The following DIS3L2 variants were observed in gnomAD, a reference collection of about 807,000 sequenced individuals.
DIS3L2 encodes the protein DIS3-like exonuclease 2.
Under a neutral mutation model 97.5 loss-of-function variants are expected in DIS3L2, and 34 were observed. The observed-to-expected ratio is 0.35, with a 90% CI of 0.27 to 0.46. DIS3L2 has a LOEUF of 0.46. Ranked by LOEUF, DIS3L2 falls within the 20% of genes least tolerant of loss-of-function variation. The probability of loss-of-function intolerance (pLI) is 1.00; values close to 1 mark genes in which losing one functional copy is unlikely to be tolerated. For missense variants in DIS3L2, 1,038 were observed against 1,146.0 expected, an observed-to-expected ratio of 0.91 and a Z score of 1.36; for synonymous variants, 435 against 445.2, an observed-to-expected ratio of 0.98 and a Z score of 0.29.
intron 5 of DIS3L2, among the ~76,000 whole-genome samples, chr2:232,060,896 G>T (rs892541869): frequency 2.0e-5 from 3 of 152,044 alleles, no homozygotes; most frequent in Non-Finnish European, 4.4e-5. Context: ...TAATTTCAAG[G>T]TATTTAATTT....
intron 6 of DIS3L2, among the ~76,000 whole-genome samples, chr2:232,097,564 G>A (rs1330527591): frequency 1.3e-5 from 2 of 152,106 alleles, no homozygotes; most frequent in Admixed American, 1.3e-4. Flanking sequence ...TTCCACCAAT[G>A]TTCACTTAAG....
chr2:232,322,091 G>A (rs560924063), intron 14 of DIS3L2, among the ~76,000 whole-genome samples: 8 of 152,186 alleles, frequency 5.3e-5, no homozygotes, highest in African/African-American at 1.7e-4. Flanking sequence ...AGCTGACTAC[G>A]GGGGTGCCTG....
chr2:232,315,057 A>G (rs865987930), intron 14 of DIS3L2, among the ~76,000 whole-genome samples: 1 of 152,176 alleles, frequency 6.6e-6, no homozygotes. Context: ...TTTTAAGCAG[A>G]TAGTACTGCC....
intron 13 of DIS3L2, among the ~76,000 whole-genome samples, chr2:232,294,793 T>C (rs774914162): frequency 7.9e-5 from 12 of 152,164 alleles, no homozygotes; most frequent in Non-Finnish European, 1.5e-4. Context: ...TCCTGTAACA[T>C]AGAGGTAGGA....
intron 1 of DIS3L2, among the ~76,000 whole-genome samples, chr2:231,987,349 T>A (rs1257618229): frequency 5.3e-5 from 8 of 152,220 alleles, no homozygotes. Flanking sequence ...GAAATACATG[T>A]GTATGGGTTT....
At chr2:232,078,055 A>AT (rs946229806) in intron 5 of DIS3L2, among the ~76,000 whole-genome samples, 1 of 50,142 alleles carries the variant, frequency 2.0e-5, no homozygotes, top group East Asian at 4.6e-4. Context: ...TTTTTTTTTT[A>AT]TTTTTTGAGA....
At chr2:232,039,868 G>A (rs552711613) in intron 5 of DIS3L2, among the ~76,000 whole-genome samples, 2 of 152,274 alleles carry the variant, frequency 1.3e-5, no homozygotes, top group Admixed American at 6.5e-5. Context: ...GTCCCCAAAT[G>A]GTTAGGAAGC....
intron 6 of DIS3L2, among the ~76,000 whole-genome samples, chr2:232,120,948 T>C (rs1697883976): frequency 6.6e-6 from 1 of 152,076 alleles, no homozygotes. Flanking sequence ...CACACCTTCT[T>C]TACTGGTTCC....
intron 9 of DIS3L2, among the ~76,000 whole-genome samples, chr2:232,185,952 G>C (rs538796382): frequency 5.9e-5 from 9 of 151,822 alleles, no homozygotes; most frequent in African/African-American, 9.7e-5. Flanking sequence ...GAAAACGGTA[G>C]AGAAAATTGG....
chr2:232,240,296 C>T (rs1313671304), intron 11 of DIS3L2, among the ~76,000 whole-genome samples: 4 of 152,214 alleles, frequency 2.6e-5, no homozygotes, highest in African/African-American at 9.7e-5. Flanking sequence ...AGAAGTACAG[C>T]TTTGCCTACC....
intron 13 of DIS3L2, among the ~76,000 whole-genome samples, chr2:232,278,977 G>A (rs1047673449): frequency 1.3e-5 from 2 of 152,126 alleles, no homozygotes; most frequent in Admixed American, 1.3e-4. Flanking sequence ...CGCTCTTGTT[G>A]CCCAGGCTGG....
chr2:232,075,666 A>T (rs563818059), intron 5 of DIS3L2, among the ~76,000 whole-genome samples: 2 of 152,286 alleles, frequency 1.3e-5, no homozygotes, highest in Admixed American at 6.5e-5. Context: ...TCTGAAGGCT[A>T]CATTTGTTTC....
At chr2:232,237,902 A>G (rs993000485) in intron 10 of DIS3L2, among the ~76,000 whole-genome samples, 1 of 152,226 alleles carries the variant, frequency 6.6e-6, no homozygotes, top group Non-Finnish European at 1.5e-5. Context: ...CTGTTCAGGA[A>G]ATGGAAAGAG....
chr2:232,339,332 G>A (rs1286476799), downstream of DIS3L2, among the ~76,000 whole-genome samples: 3 of 152,230 alleles, frequency 2.0e-5, no homozygotes, highest in Non-Finnish European at 4.4e-5. Context: ...AGCACCAGAG[G>A]CCACTGCAGC....
In DIS3L2 at chr2:232,304,479, G is replaced by A. The variant is rs141586879; in HGVS notation, c.1739+4360G>A. Among the ~76,000 whole-genome samples the A allele has an allele frequency of 1.2e-4, 19 of 152,338 alleles. 1 individual carries two copies. In the East Asian group the frequency reaches 3.7e-3, roughly 29 times the overall value. On this transcript the variant is annotated intron_variant, in intron 14 of 20. Coordinates refer to ENST00000325385, the MANE Select transcript of DIS3L2 (RefSeq NM_152383.5). ...GATGATATGCACTTTGGCAGTGGTA[G>A]GAATCGAGTGCTATGGCAGCAACGA... is the stretch of plus-strand genomic sequence containing the variant.
chr2:231,993,958 G>T (rs1243557650), intron 1 of DIS3L2, among the ~76,000 whole-genome samples: 1 of 151,796 alleles, frequency 6.6e-6, no homozygotes, highest in Non-Finnish European at 1.5e-5. Context: ...CTAATCGTAG[G>T]TCATGATGCT....
chr2:232,235,490 A>C (rs1692908609), intron 10 of DIS3L2, among the ~76,000 whole-genome samples: 1 of 152,252 alleles, frequency 6.6e-6, no homozygotes, highest in Non-Finnish European at 1.5e-5. Context: ...TGCTGGTTTC[A>C]GAGGCTCTGC....
Position 231,979,196 on chromosome 2 carries a change from C to A in DIS3L2, c.-94+17431C>A, listed in dbSNP as rs115541096. Reference sequence around the variant, plus strand: ...TGTTCTTACTGTATTTATAATTTTACTTCCAACATTTAGCACTTTAAGCCA... The same window carrying A: ...TGTTCTTACTGTATTTATAATTTTAATTCCAACATTTAGCACTTTAAGCCA... On this transcript the variant is annotated intron_variant, in intron 1 of 20. Coordinates refer to ENST00000325385, the MANE Select transcript of DIS3L2 (RefSeq NM_152383.5). 7.8e-3 allele frequency among the ~76,000 whole-genome samples: 1,190 copies of A among 152,088 alleles called. 15 individuals are homozygous for A. Among genetic ancestry groups the A allele is most frequent in the African/African-American group, 0.027 (1,121 of 41,540 alleles).
At chr2:232,130,966 T>G (rs1574898454) in intron 7 of DIS3L2, 2 of 453,736 alleles carry the variant, frequency 4.4e-6, no homozygotes, top group Non-Finnish European at 7.5e-6. Context: ...GAGTTCTGTG[T>G]TATCTTTCTT....
Sources: allele counts gnomAD v4.1 joint callset (sites outside exome capture counted in the v4.1 genomes callset), GRCh38; gene constraint gnomAD v4.1.1; transcripts MANE v1.5; gene names NCBI Gene and HGNC (gene_info 2026-07-23, HGNC 2026-07-21).